Variants in PCDH15 observed in about 807,000 individuals in gnomAD.
PCDH15 encodes the protein protocadherin related 15, also known as protocadherin-15.
In PCDH15, 129 loss-of-function variants were observed where a neutral mutation model predicts 178.5. That is an observed-to-expected ratio of 0.72 (90% CI 0.63 to 0.84). The LOEUF (loss-of-function observed/expected upper bound fraction) is 0.84, where lower values mean the gene tolerates loss of function less well. Among genes scored for constraint, PCDH15 ranks in the 40% least tolerant of loss-of-function variants. The pLI is 0.00. For missense variants in PCDH15, 2,230 were observed against 2,099.9 expected (o/e 1.06, Z -1.21); for synonymous variants, 800 against 732.0 (o/e 1.09, Z -1.50).
chr10:54,910,082 G>A (rs769965046), intron 2 of PCDH15, among the ~76,000 whole-genome samples: 1 of 152,160 alleles, frequency 6.6e-6, no homozygotes, highest in Non-Finnish European at 1.5e-5. Context: ...GTGCGAGGGT[G>A]GAGGTGGCAT....
At chr10:55,233,941 A>G (rs1306405700) in intron 1 of PCDH15, among the ~76,000 whole-genome samples, 1 of 152,122 alleles carries the variant, frequency 6.6e-6, no homozygotes, top group African/African-American at 2.4e-5. Flanking sequence ...ACGAGTATGG[A>G]TGAAGCCAAT....
chr10:55,164,611 C>T (rs1265497604), intron 2 of PCDH15, among the ~76,000 whole-genome samples: 1 of 151,938 alleles, frequency 6.6e-6, no homozygotes, highest in African/African-American at 2.4e-5. Context: ...ATAATTCATG[C>T]TCTTGTTGAT....
chr10:55,396,102 A>G (rs944899615), intron 2 of PCDH15, among the ~76,000 whole-genome samples: 4 of 152,194 alleles, frequency 2.6e-5, no homozygotes, highest in Non-Finnish European at 5.9e-5. Flanking sequence ...ATATGTATCA[A>G]TGTCTTTGGT....
intron 15 of PCDH15, among the ~76,000 whole-genome samples, chr10:54,124,439 T>C (rs73239959): frequency 0.029 from 4,465 of 152,248 alleles, 236 homozygotes; most frequent in African/African-American, 0.1. Flanking sequence ...AATGTGAATG[T>C]ACTTAATGCC....
At chr10:55,341,805 ATTTTTTTTTT>A (rs869187882) in intron 2 of PCDH15, among the ~76,000 whole-genome samples, 12 of 16,306 alleles carry the variant, frequency 7.4e-4, no homozygotes, top group African/African-American at 2.0e-3. Flanking sequence ...ATATATATAT[ATTTTTTTTTT>A]TTTTTTTTTT....
rs565588561 is a variant in PCDH15, at chr10:55,512,040, A to G, written c.-156+115585T>C. On this transcript the variant is annotated intron_variant, in intron 2 of 5. Coordinates refer to the PCDH15 transcript ENST00000613346. ...CTTTCTGAAGGGGAAAAACATTTTG[A>G]TAAGTGTTGAAAAGTGTTCCATTAA... Among the ~76,000 whole-genome samples, 4 of 152,162 alleles carry G rather than the reference A, an allele frequency of 2.6e-5. No individual in the cohort carries two copies. In the South Asian group the frequency reaches 8.3e-4, roughly 32 times the overall value.
chr10:55,612,206 T>G (rs1480104078), intron 2 of PCDH15, among the ~76,000 whole-genome samples: 1 of 152,056 alleles, frequency 6.6e-6, no homozygotes, highest in Non-Finnish European at 1.5e-5. Context: ...ATGATAAATA[T>G]GTGAGTTGAA....
intron 2 of PCDH15, among the ~76,000 whole-genome samples, chr10:55,363,714 C>T (rs1016277345): frequency 2.0e-4 from 30 of 152,178 alleles, no homozygotes; most frequent in Middle Eastern, 3.4e-3. Context: ...CGGCTCACTG[C>T]AACCTCCGCC....
At chr10:55,460,453 T>G (rs1839650903) in intron 2 of PCDH15, among the ~76,000 whole-genome samples, 1 of 152,028 alleles carries the variant, frequency 6.6e-6, no homozygotes, top group Admixed American at 6.6e-5. Context: ...GTTCTACTGA[T>G]AAGTCTACAA....
chr10:54,286,200 G>A (rs1425708207), intron 8 of PCDH15, among the ~76,000 whole-genome samples: 2 of 152,140 alleles, frequency 1.3e-5, no homozygotes, highest in Non-Finnish European at 2.9e-5. Context: ...AAAGAATTTT[G>A]AATGTTTTTA....
In PCDH15 at chr10:53,806,537, A is replaced by C; in HGVS notation, c.*42T>G. 3 of 1,434,728 alleles carry C rather than the reference A, an allele frequency of 2.1e-6. No individual in the cohort carries two copies. Among genetic ancestry groups the C allele is most frequent in the Non-Finnish European group, 2.8e-6 (3 of 1,060,696 alleles). 88.9% of individuals were successfully genotyped at this position (1,434,728 alleles called of 1,614,324 possible). On this transcript the variant is annotated 3_prime_UTR_variant, in exon 38 of 38. Transcript: ENST00000644397. Reference sequence around the variant, plus strand: ...ACAATAAAAAGCACAGTTTATTAAAAATGTAAGTAAAAATTAATTAAAATA... The same window carrying C: ...ACAATAAAAAGCACAGTTTATTAAACATGTAAGTAAAAATTAATTAAAATA...
chr10:55,547,057 T>C (rs1841900205), intron 2 of PCDH15, among the ~76,000 whole-genome samples: 1 of 152,102 alleles, frequency 6.6e-6, no homozygotes, highest in Admixed American at 6.6e-5. Context: ...GAACAAAGAA[T>C]ACCCATTAGA....
chr10:55,093,354 C>T (rs949875105), intron 2 of PCDH15, among the ~76,000 whole-genome samples: 9 of 151,238 alleles, frequency 6.0e-5, no homozygotes, highest in African/African-American at 2.2e-4. Flanking sequence ...TTCAAGATGC[C>T]GGAAAAAGTC....
At chr10:55,462,836 C>A (rs1839708689) in intron 2 of PCDH15, among the ~76,000 whole-genome samples, 1 of 151,952 alleles carries the variant, frequency 6.6e-6, no homozygotes, top group African/African-American at 2.4e-5. Flanking sequence ...ATACTAAATC[C>A]AAAATATTTT....
chr10:55,328,232 C>CTATA (rs34226039), intron 2 of PCDH15, among the ~76,000 whole-genome samples: 16 of 151,250 alleles, frequency 1.1e-4, no homozygotes, highest in African/African-American at 3.6e-4. Flanking sequence ...TAGGACAAAA[C>CTATA]TATATATATA....
rs746997346 is a variant in PCDH15, at chr10:54,664,166, C to A, written c.91+6G>T. 14 of 1,609,786 alleles carry A rather than the reference C, an allele frequency of 8.7e-6. No homozygotes were observed. The highest frequency in any genetic ancestry group is 2.2e-5 in the South Asian group (2 of 90,938). On this transcript the variant is annotated splice_donor_region_variant and intron_variant, in intron 2 of 37. Transcript: ENST00000644397. ...GCTCTAAAGGTCAAGCTAAAAGCAA[C>A]CTTACCATCATCATACTGGCCCAAG...
At chr10:54,567,525 T>C (rs1040231111) in intron 2 of PCDH15, among the ~76,000 whole-genome samples, 2 of 152,296 alleles carry the variant, frequency 1.3e-5, no homozygotes, top group Admixed American at 6.5e-5. Context: ...CAAACCATTA[T>C]GAAATAGTTG....
intron 2 of PCDH15, among the ~76,000 whole-genome samples, chr10:54,905,509 G>C (rs1254960362): frequency 6.6e-6 from 1 of 152,052 alleles, no homozygotes. Context: ...AATGCAACTA[G>C]TTAATTATTT....
chr10:55,439,606 T>TA lies in PCDH15; in HGVS notation c.-156+188018dup, dbSNP rs566020694. Reference sequence around the variant, plus strand: ...TTGCAGTTTATGGCATTTTTTTTTTTAAATGATGAAAACCGCAATTACTTT... The same window carrying TA: ...TTGCAGTTTATGGCATTTTTTTTTTTAAAATGATGAAAACCGCAATTACTTT... On this transcript the variant is annotated intron_variant, in intron 2 of 5. Coordinates refer to the PCDH15 transcript ENST00000613346. Among the ~76,000 whole-genome samples the TA allele has an allele frequency of 2.8e-3, 414 of 145,502 alleles. 1 individual carries two copies. Among genetic ancestry groups the TA allele is most frequent in the Middle Eastern group, 0.01 (3 of 286 alleles).
Sources: gnomAD v4.1 joint callset for allele counts (sites outside exome capture counted in the v4.1 genomes callset) on GRCh38, gnomAD v4.1.1 for gene constraint, MANE v1.5 for transcripts, NCBI Gene and HGNC (gene_info 2026-07-23, HGNC 2026-07-21) for gene names.